SLC39A4: variants seen among roughly 807,000 people sequenced by gnomAD.
SLC39A4 encodes zinc transporter ZIP4.
A neutral mutation model predicts 56.6 loss-of-function variants in SLC39A4; 49 were observed. That is an observed-to-expected ratio of 0.87 (90% CI 0.69 to 1.10). SLC39A4 has a LOEUF of 1.10. Among genes scored for constraint, SLC39A4 ranks in the 50% least tolerant of loss-of-function variants. SLC39A4 has a pLI of 0.00. For missense variants in SLC39A4, 993 were observed against 864.2 expected (o/e 1.15, Z -1.87); for synonymous variants, 540 against 420.4 (o/e 1.28, Z -3.48).
chr8:144,416,377 G>C, intron 1 of SLC39A4: 1 of 1,451,128 alleles, frequency 6.9e-7, no homozygotes, highest in South Asian at 1.4e-5. Flanking sequence ...AGTTGGCCCT[G>C]GGGTCCTGGG....
rs1554873467 is a variant in SLC39A4, at chr8:144,415,129, G to A, written c.668-19C>T. ...GACAGCTCTGGCAGGGAGAAGAGTT[G>A]GCACCGCGAGTCTGTGTGGGCTCCG... On this transcript the variant is annotated intron_variant, in intron 3 of 11. Transcript: ENST00000301305. The A allele has an allele frequency of 3.1e-6, 5 of 1,612,528 alleles. No individual in the cohort carries two copies. The highest frequency in any genetic ancestry group is 3.4e-6 in the Non-Finnish European group (4 of 1,179,908).
intron 8 of SLC39A4, 30 bp downstream of exon 8, chr8:144,413,720 C>T (rs1554872541): frequency 2.6e-6 from 4 of 1,535,078 alleles, no homozygotes; most frequent in Non-Finnish European, 2.6e-6. Flanking sequence ...AGGGGCTCCG[C>T]GTGGGATGGG....
At chr8:144,416,230 C>T in intron 1 of SLC39A4, 139 bp from the exon 2 acceptor site, 1 of 1,580,678 alleles carries the variant, frequency 6.3e-7, no homozygotes, top group Non-Finnish European at 8.5e-7. Context: ...CCCTGGCGCC[C>T]TTCCGTCTCC....
chr8:144,414,104 T>A lies in SLC39A4; in HGVS notation c.1150-9A>T. On this transcript the variant is annotated splice_polypyrimidine_tract_variant and intron_variant, in intron 6 of 11. Transcript: ENST00000301305. Reference sequence around the variant, plus strand: ...GTATGCAGCCCCAGCACCTGGGGAGTAGGGGCGCTGGGCTGGGGGGGAGGT... The same window carrying A: ...GTATGCAGCCCCAGCACCTGGGGAGAAGGGGCGCTGGGCTGGGGGGGAGGT... The A allele has an allele frequency of 6.4e-7, 1 of 1,551,320 alleles. No individual in the cohort carries two copies.
In SLC39A4 at chr8:144,413,834, G is replaced by A; in HGVS notation, c.1335C>T (p.Gly445=). The A allele has an allele frequency of 6.3e-7, 1 of 1,592,792 alleles. No homozygotes were observed. Among genetic ancestry groups the A allele is most frequent in the Non-Finnish European group, 8.5e-7 (1 of 1,173,698 alleles). Residue 445 remains glycine (G), a synonymous_variant, in exon 8 of 12, where the codon GGC becomes GGT. Coordinates refer to ENST00000301305, the MANE Select transcript of SLC39A4 (RefSeq NM_130849.4). ...GCTGCAGGGACACACCGTGGCTGTG[G>A]CCCCCGTGGCTATGGCTGCTGTGGC... ...PCGHSSHSHG[G]HSHGVSLQLA...
chr8:144,416,243 A>C, intron 1 of SLC39A4, 152 bp from the exon 2 acceptor site: 1 of 1,572,844 alleles, frequency 6.4e-7, no homozygotes, highest in South Asian at 1.2e-5. Context: ...CCGTCTCCCC[A>C]GGCCCCTGTC....
chr8:144,413,607 G>A (rs1554872489), intron 8 of SLC39A4, 40 bp from the exon 9 acceptor site: 3 of 1,548,614 alleles, frequency 1.9e-6, no homozygotes, highest in Admixed American at 2.0e-5. Flanking sequence ...GGAAGTGGAG[G>A]AGGAACGCGG....
At position 144,415,127 on chromosome 8, in the gene SLC39A4, T is replaced by G. The variant is rs201216097; in HGVS notation, c.668-17A>C. ...CTGACAGCTCTGGCAGGGAGAAGAG[T>G]TGGCACCGCGAGTCTGTGTGGGCTC... On this transcript the variant is annotated splice_polypyrimidine_tract_variant and intron_variant, in intron 3 of 11. Coordinates refer to ENST00000301305, the MANE Select transcript of SLC39A4 (RefSeq NM_130849.4). 2 of 1,612,108 alleles carry G rather than the reference T, an allele frequency of 1.2e-6. No homozygotes were observed. Among genetic ancestry groups the G allele is most frequent in the Non-Finnish European group, 1.7e-6 (2 of 1,179,784 alleles).
Position 144,415,439 on chromosome 8 carries a change from C to T in SLC39A4, c.475-20G>A, listed in dbSNP as rs782151558. The T allele has an allele frequency of 2.6e-5, 41 of 1,581,234 alleles. No individual in the cohort carries two copies. Among genetic ancestry groups the T allele is most frequent in the Middle Eastern group, 2.1e-4 (1 of 4,810 alleles). ...GCAGGCCTGGGGAAGAGGGGGCCTCCGCCTCAGCCTTTGGTGTGACCTTCT... is the reference window on the plus strand; with the variant it reads ...GCAGGCCTGGGGAAGAGGGGGCCTCTGCCTCAGCCTTTGGTGTGACCTTCT... On this transcript the variant is annotated intron_variant, in intron 2 of 11. Coordinates refer to ENST00000301305, the MANE Select transcript of SLC39A4 (RefSeq NM_130849.4).
chr8:144,414,817 T>G lies in SLC39A4; in HGVS notation c.884A>C (p.Gln295Pro). 1 of 1,613,142 alleles carries G rather than the reference T, an allele frequency of 6.2e-7. No homozygotes were observed. The highest frequency in any genetic ancestry group is 2.2e-5 in the East Asian group (1 of 44,880). ...QAGVTPEAWAQLSPALLQQQL... is the reference protein window; with the variant it reads ...QAGVTPEAWAPLSPALLQQQL... ...CTGTTGGAGCAGGGCAGGGCTCAGTTGGGCCCAGGCCTCCGGGGTCACCCC... is the reference window on the plus strand; with the variant it reads ...CTGTTGGAGCAGGGCAGGGCTCAGTGGGGCCCAGGCCTCCGGGGTCACCCC... The change falls in exon 5 of 12, where the codon CAA (glutamine) becomes CCA (proline). Residue 295 changes from glutamine (Q) to proline (P), a missense_variant. By Grantham distance (76) the Gln-to-Pro change is moderately conservative (BLOSUM62 -1). Transcript: ENST00000301305.
chr8:144,415,123 A>C lies in SLC39A4; in HGVS notation c.668-13T>G. The C allele has an allele frequency of 6.2e-7, 1 of 1,612,446 alleles. No homozygotes were observed. The highest frequency in any genetic ancestry group is 8.5e-7 in the Non-Finnish European group (1 of 1,179,874). ...AAGGCTGACAGCTCTGGCAGGGAGA[A>C]GAGTTGGCACCGCGAGTCTGTGTGG... On this transcript the variant is annotated splice_polypyrimidine_tract_variant and intron_variant, in intron 3 of 11. Transcript: ENST00000301305.
At chr8:144,413,068 G>A (rs1448104966) in intron 10 of SLC39A4, 122 bp from the exon 11 acceptor site, 8 of 949,524 alleles carry the variant, frequency 8.4e-6, no homozygotes, top group East Asian at 1.0e-4. Flanking sequence ...CCGCCCAGCC[G>A]TCAGATCCCG....
intron 1 of SLC39A4, 134 bp downstream of exon 1, chr8:144,416,464 G>A (rs1822203200): frequency 6.8e-7 from 1 of 1,468,130 alleles, no homozygotes; most frequent in Non-Finnish European, 9.0e-7. Context: ...TGTGGGGAGG[G>A]TCAGGGTGCC....
rs1352904545 is a variant in SLC39A4 at position 144,415,346 on chromosome 8, A to G, written c.548T>C (p.Leu183Pro). 1 of 1,611,870 alleles carries G rather than the reference A, an allele frequency of 6.2e-7. No homozygotes were observed. Among genetic ancestry groups the G allele is most frequent in the Admixed American group, 1.7e-5 (1 of 59,904 alleles). ...AGAPGSAGGV[L>P]AALLDHVRSG... Reference sequence around the variant, plus strand: ...CCTGACATGGTCCAGCAGGGCAGCCAGGACGCCGCCAGCACTGCCCGGAGC... The same window carrying G: ...CCTGACATGGTCCAGCAGGGCAGCCGGGACGCCGCCAGCACTGCCCGGAGC... The change falls in exon 3 of 12, where the codon CTG (leucine) becomes CCG (proline). Residue 183 changes from leucine (L) to proline (P), a missense_variant. Transcript: ENST00000301305.
chr8:144,415,768 C>A, intron 2 of SLC39A4, 42 bp downstream of exon 2: 2 of 1,563,542 alleles, frequency 1.3e-6, no homozygotes, highest in South Asian at 1.1e-5. Flanking sequence ...GCCGTGGGAC[C>A]CTCCTCACCC....
intron 10 of SLC39A4, 80 bp downstream of exon 10, chr8:144,413,154 AGGC>A (rs1265957953): frequency 1.4e-6 from 2 of 1,389,220 alleles, no homozygotes; most frequent in Non-Finnish European, 1.9e-6. Flanking sequence ...CCCATCTTCC[AGGC>A]CCCGCCCACC....
chr8:144,414,402 T>G lies in SLC39A4; in HGVS notation c.1009A>C (p.Ile337Leu). Residue 337 changes from isoleucine to leucine, a missense_variant, in exon 6 of 12, where the codon ATC (isoleucine) becomes CTC (leucine). Physicochemically the swap from Ile to Leu is conservative, Grantham distance 5. Coordinates refer to ENST00000301305, the MANE Select transcript of SLC39A4 (RefSeq NM_130849.4). ...AGGCCAAAGACCGCGCAGAGGCAGATGAGCAGCGTGGCCAGGGAGCCGTAC... is the reference window on the plus strand; with the variant it reads ...AGGCCAAAGACCGCGCAGAGGCAGAGGAGCAGCGTGGCCAGGGAGCCGTAC... ...YLYGSLATLL[I>L]CLCAVFGLLL... 6.4e-7 allele frequency: 1 copy of G among 1,568,284 alleles called. No individual in the cohort carries two copies. The highest frequency in any genetic ancestry group is 8.6e-7 in the Non-Finnish European group (1 of 1,157,138).
At chr8:144,415,179 G>T (rs746968896) in intron 3 of SLC39A4, 48 bp downstream of exon 3, 2 of 1,612,706 alleles carry the variant, frequency 1.2e-6, no homozygotes, top group Admixed American at 1.7e-5. Context: ...GGACGTGGAG[G>T]CTGGGGACTC....
At position 144,415,945 on chromosome 8, in the gene SLC39A4, G is replaced by T. The variant is rs374534193; in HGVS notation, c.339C>A (p.Asp113Glu). 1.3e-6 allele frequency: 2 copies of T among 1,594,432 alleles called. No homozygotes were observed. Among genetic ancestry groups the T allele is most frequent in the Non-Finnish European group, 1.7e-6 (2 of 1,173,042 alleles). ...YLSNPEGTCE[D>E]ARAGLWASHA... ...GAGAGGCCCAGAGGCCAGCCCGAGCGTCCTCACAGGTGCCCTCGGGGTTGC... is the reference window on the plus strand; with the variant it reads ...GAGAGGCCCAGAGGCCAGCCCGAGCTTCCTCACAGGTGCCCTCGGGGTTGC... Residue 113 changes from aspartate (D) to glutamate (E), a missense_variant, in exon 2 of 12, where the codon GAC (aspartate) becomes GAA (glutamate). Physicochemically the swap from Asp to Glu is conservative, Grantham distance 45 (BLOSUM62 2). Coordinates refer to ENST00000301305, the MANE Select transcript of SLC39A4 (RefSeq NM_130849.4).
Sources: gnomAD v4.1 joint callset for allele counts on GRCh38, gnomAD v4.1.1 for gene constraint, MANE v1.5 for transcripts, NCBI Gene and HGNC (gene_info 2026-07-23, HGNC 2026-07-21) for gene names.